The following SNTG1 variants were observed in gnomAD, a reference collection of about 807,000 sequenced individuals.
SNTG1 encodes the protein syntrophin gamma 1.
SNTG1 carries 39 observed loss-of-function variants against 74.7 expected under a neutral mutation model. That is an observed-to-expected ratio of 0.52 (90% CI 0.40 to 0.68). The LOEUF (loss-of-function observed/expected upper bound fraction) is 0.68, where lower values mean the gene tolerates loss of function less well. SNTG1 is among the 30% of genes least tolerant of loss of function. The probability of loss-of-function intolerance (pLI) is 0.00; values close to 1 mark genes in which losing one functional copy is unlikely to be tolerated. For missense variants in SNTG1, 685 were observed against 609.5 expected, an observed-to-expected ratio of 1.12 and a Z score of -1.30; for synonymous variants, 254 against 217.1, an observed-to-expected ratio of 1.17 and a Z score of -1.49.
intron 1 of SNTG1, among the ~76,000 whole-genome samples, chr8:50,134,201 A>G (rs1021212102): frequency 1.3e-5 from 2 of 152,170 alleles, no homozygotes; most frequent in Non-Finnish European, 1.5e-5. Flanking sequence ...CCTTGAATTG[A>G]TGAGAACATG....
chr8:50,425,554 C>G (rs1364470452), intron 4 of SNTG1, among the ~76,000 whole-genome samples: 1 of 151,916 alleles, frequency 6.6e-6, no homozygotes, highest in Non-Finnish European at 1.5e-5. Flanking sequence ...TTATATATTA[C>G]AGTATAATAA....
intron 1 of SNTG1, among the ~76,000 whole-genome samples, chr8:50,167,056 G>T (rs2082639878): frequency 7.1e-6 from 1 of 140,754 alleles, no homozygotes; most frequent in South Asian, 2.3e-4. Context: ...CTCACTCATA[G>T]GTGGGAATTG....
intron 2 of SNTG1, among the ~76,000 whole-genome samples, chr8:50,216,145 G>T (rs1289288691): frequency 6.6e-6 from 1 of 152,030 alleles, no homozygotes; most frequent in Non-Finnish European, 1.5e-5. Flanking sequence ...TGATTTGGCT[G>T]GCTAGATTGA....
chr8:50,274,609 A>G (rs944240687), intron 2 of SNTG1, among the ~76,000 whole-genome samples: 12 of 152,250 alleles, frequency 7.9e-5, no homozygotes, highest in Admixed American at 2.6e-4. Context: ...GGGAGAGAGG[A>G]CATTCTTCCC....
At chr8:50,114,891 G>GT in intron 1 of SNTG1, among the ~76,000 whole-genome samples, 1 of 151,864 alleles carries the variant, frequency 6.6e-6, no homozygotes, top group Non-Finnish European at 1.5e-5. Flanking sequence ...ATATGAACAA[G>GT]TTCTGGGGGA....
chr8:49,964,221 T>C (rs1484985527), intron 1 of SNTG1, among the ~76,000 whole-genome samples: 1 of 152,210 alleles, frequency 6.6e-6, no homozygotes, highest in Admixed American at 6.5e-5. Flanking sequence ...GATGACCACA[T>C]CTAATCAGTT....
intron 2 of SNTG1, among the ~76,000 whole-genome samples, chr8:50,198,282 G>C (rs991486519): frequency 1.3e-5 from 2 of 152,144 alleles, no homozygotes; most frequent in African/African-American, 4.8e-5. Flanking sequence ...GTGGCAGTGG[G>C]GAGAAGGGAA....
intron 15 of SNTG1, among the ~76,000 whole-genome samples, chr8:50,659,856 T>C (rs550451946): frequency 6.6e-6 from 1 of 152,320 alleles, no homozygotes; most frequent in East Asian, 1.9e-4. Context: ...TTCTTTTTTT[T>C]GGAGATGGAG....
At chr8:50,062,048 GT>G (rs939089928) in intron 1 of SNTG1, among the ~76,000 whole-genome samples, 18 of 151,956 alleles carry the variant, frequency 1.2e-4, no homozygotes, top group South Asian at 4.2e-4. Flanking sequence ...GAATTTTTGT[GT>G]TTTTTTGTTT....
intron 1 of SNTG1, among the ~76,000 whole-genome samples, chr8:50,150,560 T>C (rs1283877204): frequency 6.6e-6 from 1 of 152,238 alleles, no homozygotes. Flanking sequence ...TATTTTGAGA[T>C]ACGTCCCATT....
chr8:50,094,040 G>C (rs185166441), intron 1 of SNTG1, among the ~76,000 whole-genome samples: 1 of 152,284 alleles, frequency 6.6e-6, no homozygotes, highest in Admixed American at 6.6e-5. Flanking sequence ...GATGCAGTTG[G>C]AGTATGAGGC....
At chr8:50,778,887 G>A (rs2095649513) in intron 18 of SNTG1, among the ~76,000 whole-genome samples, 1 of 152,116 alleles carries the variant, frequency 6.6e-6, no homozygotes, top group African/African-American at 2.4e-5. Context: ...TGTATAAGGT[G>A]TAAGGAAGGG....
intron 2 of SNTG1, among the ~76,000 whole-genome samples, chr8:50,306,437 G>A (rs1491002133): frequency 6.6e-6 from 1 of 151,896 alleles, no homozygotes; most frequent in African/African-American, 2.4e-5. Flanking sequence ...TGGATTAAAT[G>A]GTAGATCTAC....
intron 2 of SNTG1, among the ~76,000 whole-genome samples, chr8:50,371,009 T>G (rs1204265728): frequency 6.6e-6 from 1 of 152,176 alleles, no homozygotes; most frequent in Non-Finnish European, 1.5e-5. Context: ...AATTGAAACA[T>G]GAACTTAAAT....
chr8:50,465,215 A>G (rs2093599507), intron 8 of SNTG1, among the ~76,000 whole-genome samples: 1 of 152,134 alleles, frequency 6.6e-6, no homozygotes, highest in African/African-American at 2.4e-5. Flanking sequence ...AAATGGTTAT[A>G]TTATCTGTCA....
chr8:50,398,686 G>T (rs555786932), intron 3 of SNTG1, among the ~76,000 whole-genome samples: 2 of 152,300 alleles, frequency 1.3e-5, no homozygotes, highest in East Asian at 3.9e-4. Flanking sequence ...CAGCACTTTG[G>T]GAGGCCGAGG....
At chr8:50,725,621 C>T (rs184728823) in intron 17 of SNTG1, among the ~76,000 whole-genome samples, 16 of 152,224 alleles carry the variant, frequency 1.1e-4, no homozygotes, top group Admixed American at 1.0e-3. Flanking sequence ...CTGTTTTTCA[C>T]CGCCCCGTTG....
At chr8:50,524,971 A>G (rs1238640105) in intron 9 of SNTG1, among the ~76,000 whole-genome samples, 1 of 152,098 alleles carries the variant, frequency 6.6e-6, no homozygotes, top group African/African-American at 2.4e-5. Context: ...TTACCAGAGG[A>G]CATTATTTTT....
At chr8:50,225,949 T>C (rs748469420) in intron 2 of SNTG1, among the ~76,000 whole-genome samples, 1 of 152,130 alleles carries the variant, frequency 6.6e-6, no homozygotes, top group Non-Finnish European at 1.5e-5. Context: ...GTATTAAAAA[T>C]TTACACTATT....
Sources: allele counts gnomAD v4.1 joint callset (sites outside exome capture counted in the v4.1 genomes callset), GRCh38; gene constraint gnomAD v4.1.1; transcripts MANE v1.5; gene names NCBI Gene and HGNC (gene_info 2026-07-23, HGNC 2026-07-21).